Variants in HSP90AA1 observed in about 807,000 individuals in gnomAD.
HSP90AA1 encodes the protein heat shock protein 90 alpha family class A member 1.
A neutral mutation model predicts 73.3 loss-of-function variants in HSP90AA1; 18 were observed. That is an observed-to-expected ratio of 0.25 (90% CI 0.17 to 0.36). The LOEUF is 0.36. Among genes scored for constraint, HSP90AA1 ranks in the 10% least tolerant of loss-of-function variants. The probability of loss-of-function intolerance (pLI) is 1.00; values close to 1 mark genes in which losing one functional copy is unlikely to be tolerated. For synonymous variants in HSP90AA1, 477 were observed against 296.9 expected (o/e 1.61, Z -6.24); for missense variants, 704 against 874.2 (o/e 0.81, Z 2.45).
upstream of HSP90AA1, among the ~76,000 whole-genome samples, chr14:102,087,925 TA>T (rs1351495533): frequency 2.1e-5 from 3 of 143,048 alleles, no homozygotes; most frequent in South Asian, 2.3e-4. Flanking sequence ...TAACTTGCCC[TA>T]AAAGGTTTTT....
rs2049139613 is a variant in HSP90AA1 at position 102,083,288 on chromosome 14, G to A, written c.1501C>T (p.Gln501Ter). ...IYYITGETKD[Q>*]VANSAFVERL... ...TCCACAAAGGCTGAGTTAGCTACCT[G>A]GTCCTTGGTCTCACCTGAGGTATTA... is the stretch of plus-strand genomic sequence containing the variant. The change falls in exon 9 of 11, where the codon CAG becomes TAG. Residue 501 changes from glutamine to a stop codon, truncating the protein, a stop_gained. Transcript: ENST00000216281. LOFTEE classifies it high-confidence loss of function. The A allele has an allele frequency of 6.2e-7, 1 of 1,613,958 alleles. No individual in the cohort carries two copies. The highest frequency in any genetic ancestry group is 8.5e-7 in the Non-Finnish European group (1 of 1,180,006).
chr14:102,128,425 C>T (rs1424566789), intron 1 of HSP90AA1, among the ~76,000 whole-genome samples: 2 of 151,924 alleles, frequency 1.3e-5, no homozygotes, highest in South Asian at 2.1e-4. Flanking sequence ...GTCAGGGGTT[C>T]GAGACCAGCC....
chr14:102,118,010 C>T (rs1265952274), intron 1 of HSP90AA1, among the ~76,000 whole-genome samples: 1 of 152,190 alleles, frequency 6.6e-6, no homozygotes, highest in Non-Finnish European at 1.5e-5. Flanking sequence ...CCTGGAGCTG[C>T]CTGCTCCATG....
intron 1 of HSP90AA1, among the ~76,000 whole-genome samples, chr14:102,113,877 A>T (rs1169024366): frequency 6.6e-6 from 1 of 151,226 alleles, no homozygotes. Context: ...TGCCCCGCTA[A>T]TTTTTTCTAT....
chr14:102,139,730 GT>G, upstream of HSP90AA1: 1 of 840,070 alleles, frequency 1.2e-6, no homozygotes, highest in Non-Finnish European at 1.8e-6. Context: ...AGCACGCCAG[GT>G]GAGCACGCCT....
rs769070972 is a variant in HSP90AA1, at chr14:102,086,159, ACCC to A, written c.163-38_163-36del. ...AAAAATATTAATTTAAGCATACAGC[ACCC>A]CCAAGAAGTTCACACTGAAACCAAA... is the stretch of plus-strand genomic sequence containing the variant. On this transcript the variant is annotated intron_variant, in intron 2 of 10. Transcript: ENST00000216281. 19 of 1,613,970 alleles carry A rather than the reference ACCC, an allele frequency of 1.2e-5. No individual in the cohort carries two copies. In the Admixed American group the frequency reaches 2.7e-4, roughly 23 times the overall value.
chr14:102,116,549 C>A (rs2049709486), intron 1 of HSP90AA1, among the ~76,000 whole-genome samples: 1 of 152,200 alleles, frequency 6.6e-6, no homozygotes. Context: ...CCCACCCTTG[C>A]ATGGTCAGGT....
At chr14:102,119,788 T>C (rs1212738939) in intron 1 of HSP90AA1, among the ~76,000 whole-genome samples, 1 of 152,076 alleles carries the variant, frequency 6.6e-6, no homozygotes, top group African/African-American at 2.4e-5. Context: ...CACCCGGCCG[T>C]TTTCCTCTTC....
intron 2 of HSP90AA1, among the ~76,000 whole-genome samples, chr14:102,095,686 A>G (rs930581008): frequency 6.6e-6 from 1 of 152,064 alleles, no homozygotes; most frequent in Non-Finnish European, 1.5e-5. Flanking sequence ...CTCACCTTCA[A>G]ATCTTCTGAG....
intron 1 of HSP90AA1, among the ~76,000 whole-genome samples, chr14:102,106,775 C>T (rs2049574337): frequency 6.6e-6 from 1 of 151,926 alleles, no homozygotes; most frequent in African/African-American, 2.4e-5. Flanking sequence ...AACTCCTGAC[C>T]TCAGGTGATC....
intron 1 of HSP90AA1, among the ~76,000 whole-genome samples, chr14:102,131,400 C>T (rs1289059299): frequency 6.6e-6 from 1 of 152,200 alleles, no homozygotes; most frequent in African/African-American, 2.4e-5. Context: ...GCACCTGTGG[C>T]CTGGATTACT....
intron 1 of HSP90AA1, among the ~76,000 whole-genome samples, chr14:102,132,604 C>G (rs2049921691): frequency 6.6e-6 from 1 of 152,044 alleles, no homozygotes; most frequent in Non-Finnish European, 1.5e-5. Flanking sequence ...CAAGGTTATT[C>G]CTACGCTTAA....
At chr14:102,139,237 A>C in intron 1 of HSP90AA1, 1 of 1,613,996 alleles carries the variant, frequency 6.2e-7, no homozygotes. Context: ...GTAAATCTTG[A>C]GTCCCTTGGT....
intron 1 of HSP90AA1, among the ~76,000 whole-genome samples, chr14:102,107,221 C>T (rs188921087): frequency 3.4e-4 from 51 of 152,154 alleles, no homozygotes; most frequent in Admixed American, 1.2e-3. Context: ...GTGCCCCAAC[C>T]CTGGCCTGCC....
At chr14:102,097,603 GT>G (rs965187002) in intron 2 of HSP90AA1, among the ~76,000 whole-genome samples, 1 of 151,940 alleles carries the variant, frequency 6.6e-6, no homozygotes, top group African/African-American at 2.4e-5. Context: ...TAGCTGGTCC[GT>G]CCAGTGCCCA....
chr14:102,127,315 G>A (rs1021212554), intron 1 of HSP90AA1, among the ~76,000 whole-genome samples: 1 of 152,134 alleles, frequency 6.6e-6, no homozygotes, highest in African/African-American at 2.4e-5. Flanking sequence ...TACTGGAGGA[G>A]CTTAACAATG....
At chr14:102,132,311 G>C (rs2049917461) in intron 1 of HSP90AA1, among the ~76,000 whole-genome samples, 1 of 152,152 alleles carries the variant, frequency 6.6e-6, no homozygotes, top group Non-Finnish European at 1.5e-5. Context: ...AGGTTGCAGT[G>C]AGTGGAGACC....
chr14:102,087,256 C>T (rs1473466122), upstream of HSP90AA1: 2 of 666,514 alleles, frequency 3.0e-6, no homozygotes, highest in Non-Finnish European at 3.7e-6. Flanking sequence ...GGGCAACCTT[C>T]CCTCAATCGC....
At chr14:102,126,596 C>G (rs2049842117) in intron 1 of HSP90AA1, among the ~76,000 whole-genome samples, 1 of 152,066 alleles carries the variant, frequency 6.6e-6, no homozygotes, top group Non-Finnish European at 1.5e-5. Flanking sequence ...GCAACCACGA[C>G]TCACTGCAAG....
Sources: allele counts gnomAD v4.1 joint callset (sites outside exome capture counted in the v4.1 genomes callset), GRCh38; gene constraint gnomAD v4.1.1; transcripts MANE v1.5; gene names NCBI Gene and HGNC (gene_info 2026-07-23, HGNC 2026-07-21).